Variants in KIFAP3 observed in about 807,000 individuals in gnomAD.
KIFAP3 encodes the protein kinesin associated protein 3.
In KIFAP3, 68 loss-of-function variants were observed where a neutral mutation model predicts 106.5. The ratio of observed to expected loss-of-function variants is 0.64; its 90% confidence interval spans 0.53 to 0.78. The LOEUF (loss-of-function observed/expected upper bound fraction) is 0.78. KIFAP3 is among the 30% of genes least tolerant of loss of function. The pLI, the probability that KIFAP3 is intolerant of heterozygous loss-of-function variation, is 0.00. For missense variants in KIFAP3, 780 were observed against 941.8 expected (o/e 0.83, Z 2.25); for synonymous variants, 320 against 311.5 (o/e 1.03, Z -0.29).
Position 169,973,105 on chromosome 1 carries a change from G to GTGTGTATATATATATATATA in KIFAP3, c.1898-508_1898-507insTATATATATATATATACACA, listed in dbSNP as rs145406203. Among the ~76,000 whole-genome samples, 15 of 90,314 alleles carry GTGTGTATATATATATATATA rather than the reference G, an allele frequency of 1.7e-4. 1 individual carries two copies. The highest frequency in any genetic ancestry group is 5.0e-4 in the African/African-American group (11 of 21,890). 59.2% of individuals were successfully genotyped at this position (90,314 alleles called of 152,430 possible). A position where few individuals can be genotyped will look rare whatever the true frequency, so the allele number is the denominator to read the frequency against. On this transcript the variant is annotated intron_variant, in intron 16 of 19. Transcript: ENST00000361580. ...ATAAAAATAATTTAAAAAATAGTGT[G>GTGTGTATATATATATATATA]TATATATATATATATATAAACAACA... is the stretch of plus-strand genomic sequence containing the variant.
rs546302583 is a variant in KIFAP3 at position 170,066,667 on chromosome 1, A to C, written c.32+7769T>G. On this transcript the variant is annotated intron_variant, in intron 1 of 19. Transcript: ENST00000361580. ...TTGAGAATCTTTTAATAATCACATG[A>C]GGCTAGAGACACAAAAACTGGATTC... Among the ~76,000 whole-genome samples, 6 of 152,312 alleles carry C rather than the reference A, an allele frequency of 3.9e-5. No individual in the cohort carries two copies. In the East Asian group the frequency reaches 1.2e-3, roughly 29 times the overall value.
chr1:170,062,089 C>G (rs1571756512), intron 1 of KIFAP3, among the ~76,000 whole-genome samples: 1 of 151,774 alleles, frequency 6.6e-6, no homozygotes, highest in African/African-American at 2.4e-5. Flanking sequence ...GTGCAGCACA[C>G]CAACATGGCA....
At chr1:169,959,936 T>C (rs376537044) in intron 18 of KIFAP3, among the ~76,000 whole-genome samples, 26 of 152,140 alleles carry the variant, frequency 1.7e-4, no homozygotes, top group Non-Finnish European at 3.4e-4. Context: ...TCTTAACTAC[T>C]GTAAAGTTCA....
chr1:170,063,933 T>C (rs1050744252), intron 1 of KIFAP3, among the ~76,000 whole-genome samples: 3 of 152,258 alleles, frequency 2.0e-5, no homozygotes, highest in Non-Finnish European at 4.4e-5. Context: ...TTTCTTTTAA[T>C]GAAATGATAT....
At chr1:169,969,545 A>C (rs1665801549) in intron 17 of KIFAP3, among the ~76,000 whole-genome samples, 1 of 152,050 alleles carries the variant, frequency 6.6e-6, no homozygotes, top group South Asian at 2.1e-4. Flanking sequence ...TATTAATTCC[A>C]GATTATTAAA....
At chr1:169,985,012 G>A (rs1456425527) in intron 11 of KIFAP3, among the ~76,000 whole-genome samples, 1 of 151,736 alleles carries the variant, frequency 6.6e-6, no homozygotes, top group Non-Finnish European at 1.5e-5. Context: ...AAAGAAAATA[G>A]CTTATGCAAA....
chr1:170,081,110 T>C (rs995772865), intron 1 of KIFAP3, among the ~76,000 whole-genome samples: 2 of 152,076 alleles, frequency 1.3e-5, no homozygotes, highest in Admixed American at 6.6e-5. Context: ...AGAAATGAAA[T>C]GGTAAGTCAC....
At chr1:169,974,348 C>T (rs1241577965) in intron 16 of KIFAP3, among the ~76,000 whole-genome samples, 1 of 151,940 alleles carries the variant, frequency 6.6e-6, no homozygotes, top group East Asian at 1.9e-4. Context: ...CAAGTACATA[C>T]CATTATTTGT....
chr1:170,049,138 G>A lies in KIFAP3; in HGVS notation c.165-2272C>T, dbSNP rs548806344. Among the ~76,000 whole-genome samples the A allele has an allele frequency of 7.7e-4, 118 of 152,308 alleles. 1 individual carries two copies. The highest frequency in any genetic ancestry group is 2.5e-3 in the African/African-American group (106 of 41,574). ...GATCTGGGATGATCGAGCTTGGTTG[G>A]GGGAGGTGGGTCTGCCATCAGTGAG... On this transcript the variant is annotated intron_variant, in intron 2 of 19. Transcript: ENST00000361580.
intron 17 of KIFAP3, among the ~76,000 whole-genome samples, chr1:169,966,226 C>T (rs937904128): frequency 1.3e-4 from 19 of 151,752 alleles, no homozygotes; most frequent in Admixed American, 9.2e-4. Context: ...ATTTTCTCAG[C>T]TCTAAAAAAG....
chr1:169,960,325 A>G (rs535200571), intron 18 of KIFAP3, among the ~76,000 whole-genome samples: 1 of 152,078 alleles, frequency 6.6e-6, no homozygotes, highest in Non-Finnish European at 1.5e-5. Context: ...GATTTTAATT[A>G]TTATAGAAAT....
rs140929924 is a variant in KIFAP3 at position 169,978,034 on chromosome 1, T to C, written c.1897+51A>G. ...AAAAAAAACAACTCAAAGATGCATC[T>C]TTTCTGAATATGTGAAATATTGTTA... On this transcript the variant is annotated intron_variant, in intron 16 of 19. Transcript: ENST00000361580. 76 of 1,206,052 alleles carry C rather than the reference T, an allele frequency of 6.3e-5. No homozygotes were observed. The African/African-American group carries it at 1.0e-3, about 17-fold the overall frequency. The allele number at this position is 1,206,052 out of a possible 1,614,324, so 74.7% of individuals were successfully genotyped here.
At position 170,041,803 on chromosome 1, in the gene KIFAP3, G is replaced by A. The variant is rs992036411; in HGVS notation, c.320-2515C>T. 73 of 1,513,478 alleles carry A rather than the reference G, an allele frequency of 4.8e-5. 1 individual carries two copies. Among genetic ancestry groups the A allele is most frequent in the Middle Eastern group, 1.7e-4 (1 of 5,888 alleles). 93.8% of individuals were successfully genotyped at this position (1,513,478 alleles called of 1,614,324 possible). A position where few individuals can be genotyped will look rare whatever the true frequency, so the allele number is the denominator to read the frequency against. On this transcript the variant is annotated intron_variant, in intron 3 of 19. Transcript: ENST00000361580. ...TGATCTGTTGGCCTCCTTAAAGGTC[G>A]TGTTCCCTCTTCAGAAGTCCTGCTG... is the stretch of plus-strand genomic sequence containing the variant.
intron 1 of KIFAP3, among the ~76,000 whole-genome samples, chr1:170,060,403 C>T (rs931599996): frequency 6.6e-5 from 10 of 152,114 alleles, no homozygotes; most frequent in Admixed American, 5.2e-4. Flanking sequence ...AGTGAAATTC[C>T]ATTCACTATT....
At chr1:170,018,236 G>A (rs1354334531) in intron 9 of KIFAP3, among the ~76,000 whole-genome samples, 16 of 152,050 alleles carry the variant, frequency 1.1e-4, no homozygotes, top group Admixed American at 9.8e-4. Context: ...CTGCTTTCAC[G>A]CTACAACTAG....
chr1:170,074,951 A>G (rs1016359158), upstream of KIFAP3, among the ~76,000 whole-genome samples: 1 of 152,374 alleles, frequency 6.6e-6, no homozygotes, highest in Middle Eastern at 3.4e-3. Context: ...GCTATACAGC[A>G]GTCCAGCTAA....
At chr1:170,019,288 C>A (rs190158899) in intron 9 of KIFAP3, among the ~76,000 whole-genome samples, 2 of 152,048 alleles carry the variant, frequency 1.3e-5, no homozygotes, top group Admixed American at 6.5e-5. Flanking sequence ...ACAAATCCTT[C>A]CAGAAAAATT....
At chr1:170,047,001 A>G in intron 2 of KIFAP3, 135 bp from the exon 3 acceptor site, 1 of 434,718 alleles carries the variant, frequency 2.3e-6, no homozygotes, top group Non-Finnish European at 3.8e-6. Flanking sequence ...ATAAACTATT[A>G]GATATAATTA....
At chr1:170,064,771 G>A (rs1671350436) in intron 1 of KIFAP3, among the ~76,000 whole-genome samples, 1 of 152,190 alleles carries the variant, frequency 6.6e-6, no homozygotes, top group Non-Finnish European at 1.5e-5. Flanking sequence ...TCCATTGGAG[G>A]ATCATGTATT....
Sources: allele counts gnomAD v4.1 joint callset (sites outside exome capture counted in the v4.1 genomes callset), GRCh38; gene constraint gnomAD v4.1.1; transcripts MANE v1.5; gene names NCBI Gene and HGNC (gene_info 2026-07-23, HGNC 2026-07-21).